TRERF1: variants seen among roughly 807,000 people sequenced by gnomAD.
TRERF1 encodes transcriptional regulating factor 1.
A neutral mutation model predicts 122.9 loss-of-function variants in TRERF1; 27 were observed. That is an observed-to-expected ratio of 0.22 (90% CI 0.16 to 0.30). The LOEUF is 0.30. Among genes scored for constraint, TRERF1 ranks in the 10% least tolerant of loss-of-function variants. The pLI is 1.00. For synonymous variants in TRERF1, 636 were observed against 641.7 expected (o/e 0.99, Z 0.13); for missense variants, 1,248 against 1,560.3 (o/e 0.80, Z 3.37).
chr6:42,408,289 G>GTGTGTATGTATATATACATACACA (rs1562153219), intron 2 of TRERF1, among the ~76,000 whole-genome samples: 3 of 134,316 alleles, frequency 2.2e-5, no homozygotes, highest in East Asian at 4.2e-4. Flanking sequence ...ATACACATGT[G>GTGTGTATGTATATATACATACACA]TGTGTATGTA....
intron 4 of TRERF1, among the ~76,000 whole-genome samples, chr6:42,294,131 G>A (rs1226742853): frequency 6.6e-6 from 1 of 152,054 alleles, no homozygotes; most frequent in Non-Finnish European, 1.5e-5. Flanking sequence ...AGAGTGAGTA[G>A]GGGTAGGAAT....
At chr6:42,401,048 C>T (rs184298007) in intron 2 of TRERF1, among the ~76,000 whole-genome samples, 66 of 152,296 alleles carry the variant, frequency 4.3e-4, no homozygotes, top group African/African-American at 1.6e-3. Context: ...TCCCAATGCA[C>T]CAGAAAAGCA....
At chr6:42,379,727 C>T (rs993584488) in intron 2 of TRERF1, among the ~76,000 whole-genome samples, 1 of 152,106 alleles carries the variant, frequency 6.6e-6, no homozygotes, top group Non-Finnish European at 1.5e-5. Context: ...GACAGAGTTT[C>T]GCCATGTTGC....
intron 16 of TRERF1, among the ~76,000 whole-genome samples, chr6:42,235,207 C>T (rs1249172073): frequency 1.3e-5 from 2 of 152,068 alleles, no homozygotes; most frequent in Non-Finnish European, 2.9e-5. Context: ...ATTCAGTACA[C>T]TCTGGAGAAC....
chr6:42,437,234 T>G (rs965973187), intron 2 of TRERF1, among the ~76,000 whole-genome samples: 3 of 152,062 alleles, frequency 2.0e-5, no homozygotes, highest in Non-Finnish European at 4.4e-5. Context: ...CCACCAATGA[T>G]TCCCCCAAAT....
In TRERF1 at chr6:42,228,736, T is replaced by C; in HGVS notation, c.3279-67A>G. On this transcript the variant is annotated intron_variant, in intron 17 of 17. Coordinates refer to ENST00000372922, the Ensembl canonical transcript of TRERF1. The surrounding 1 kb of genome is among the most constrained non-coding windows in gnomAD (Gnocchi z 4.2). ...ATCTGAGTTCTTGGAAATCCAGGTG[T>C]CCTACGGGGAATGGGGGTGTGTGGT... 6.7e-7 allele frequency: 1 copy of C among 1,483,078 alleles called. No homozygotes were observed. Among genetic ancestry groups the C allele is most frequent in the East Asian group, 2.3e-5 (1 of 44,062 alleles). 91.9% of individuals were successfully genotyped at this position (1,483,078 alleles called of 1,614,324 possible).
intron 2 of TRERF1, among the ~76,000 whole-genome samples, chr6:42,391,034 A>T (rs1777646132): frequency 6.6e-6 from 1 of 152,170 alleles, no homozygotes; most frequent in African/African-American, 2.4e-5. Flanking sequence ...GTCAGAACAA[A>T]AGGGGGACAT....
chr6:42,381,445 G>A (rs1474181080), intron 2 of TRERF1, among the ~76,000 whole-genome samples: 1 of 152,020 alleles, frequency 6.6e-6, no homozygotes, highest in African/African-American at 2.4e-5. Flanking sequence ...GCTCCATGCT[G>A]AATGAAAAGA....
intron 4 of TRERF1, among the ~76,000 whole-genome samples, chr6:42,291,882 T>C (rs201754914): frequency 1.6e-4 from 25 of 152,168 alleles, no homozygotes; most frequent in East Asian, 5.8e-4. Flanking sequence ...GAATATCTCA[T>C]TGGAGAGAAA....
chr6:42,289,598 A>C (rs36086591), intron 4 of TRERF1, among the ~76,000 whole-genome samples: 4,156 of 152,320 alleles, frequency 0.027, 57 homozygotes, highest in Non-Finnish European at 0.037. Flanking sequence ...AATACTGATC[A>C]TCTAATGAGA....
chr6:42,335,791 T>C (rs1230611174), intron 3 of TRERF1, among the ~76,000 whole-genome samples: 1 of 152,232 alleles, frequency 6.6e-6, no homozygotes, highest in Admixed American at 6.5e-5. Flanking sequence ...AAACAAAGTC[T>C]AGCTTCCATT....
chr6:42,315,712 C>A (rs1013690973), intron 3 of TRERF1, among the ~76,000 whole-genome samples: 3 of 149,774 alleles, frequency 2.0e-5, no homozygotes, highest in Admixed American at 2.0e-4. Context: ...CACCACCCCC[C>A]CCCCCACCCA....
intron 3 of TRERF1, among the ~76,000 whole-genome samples, chr6:42,309,200 G>A (rs1399271878): frequency 6.6e-6 from 1 of 152,176 alleles, no homozygotes; most frequent in Admixed American, 6.5e-5. Context: ...TACTTTGGAT[G>A]AATCCATAAT....
intron 3 of TRERF1, among the ~76,000 whole-genome samples, chr6:42,321,394 A>G (rs1013687189): frequency 4.0e-5 from 6 of 151,604 alleles, no homozygotes; most frequent in Non-Finnish European, 5.9e-5. Context: ...CCAACTGGCT[A>G]GAGAGTTTGA....
At chr6:42,229,890 C>T (rs1770162916) in intron 17 of TRERF1, among the ~76,000 whole-genome samples, 1 of 152,178 alleles carries the variant, frequency 6.6e-6, no homozygotes, top group Non-Finnish European at 1.5e-5. Flanking sequence ...TGGCACATAG[C>T]CATGTCTGTT....
In TRERF1 at chr6:42,277,917, A is replaced by G. The variant is rs868161294; in HGVS notation, c.-258-8069T>C. The stretch of plus-strand genomic sequence containing the variant: ...GAAGAAGGAAGAAGGAAGAAGAAGA[A>G]GAAGAAGAAGAAGAAGAAGAAGAAG... On this transcript the variant is annotated intron_variant, in intron 4 of 17. Transcript: ENST00000372922. Among the ~76,000 whole-genome samples, 325 of 105,986 alleles carry G rather than the reference A, an allele frequency of 3.1e-3. 5 individuals carry two copies. Among genetic ancestry groups the G allele is most frequent in the Middle Eastern group, 8.7e-3 (2 of 230 alleles). The allele number at this position is 105,986 out of a possible 152,430, so 69.5% of individuals were successfully genotyped here. A position where few individuals can be genotyped will look rare whatever the true frequency, so the allele number is the denominator to read the frequency against.
rs961148852 is a variant in TRERF1 at position 42,263,388 on chromosome 6, T to G, written c.1816A>C (p.Thr606Pro). 1.9e-6 allele frequency: 3 copies of G among 1,612,552 alleles called. No homozygotes were observed. The Admixed American group carries it at 5.0e-5, about 27-fold the overall frequency. The change falls in exon 8 of 18, where the codon ACC becomes CCC. Residue 606 changes from threonine (T) to proline (P), a missense_variant. Thr to Pro is a conservative substitution (Grantham distance 38). This residue lies in a region of TRERF1 where 946 missense variants were observed against 1,073.0 expected (regional missense o/e 0.88). Coordinates refer to ENST00000372922, the Ensembl canonical transcript of TRERF1. The surrounding 1 kb of genome is among the most constrained non-coding windows in gnomAD (Gnocchi z 5.6). Reference sequence around the variant, plus strand: ...TCTCTGGCGGAGGGGGCGGCAACGGTGCTGTTGGTGAACCCCTGAGAGCTG... The same window carrying G: ...TCTCTGGCGGAGGGGGCGGCAACGGGGCTGTTGGTGAACCCCTGAGAGCTG...
At chr6:42,325,094 G>T (rs1057423604) in intron 3 of TRERF1, among the ~76,000 whole-genome samples, 2 of 152,080 alleles carry the variant, frequency 1.3e-5, no homozygotes, top group Non-Finnish European at 2.9e-5. Context: ...GTGGGCAAAG[G>T]CCATGAACAG....
intron 2 of TRERF1, among the ~76,000 whole-genome samples, chr6:42,382,724 C>A (rs1378047496): frequency 2.0e-5 from 3 of 148,900 alleles, no homozygotes; most frequent in Non-Finnish European, 4.4e-5. Context: ...ACAACCAGAC[C>A]CCATTTTGCT....
Sources: gnomAD v4.1 joint callset for allele counts (sites outside exome capture counted in the v4.1 genomes callset) on GRCh38, gnomAD v4.1.1 for gene constraint, gnomAD v4.1.1 regional missense constraint, Gnocchi (gnomAD v3.1) non-coding constraint, MANE v1.5 for transcripts, NCBI Gene and HGNC (gene_info 2026-07-23, HGNC 2026-07-21) for gene names.